ARK2N: variants seen among roughly 807,000 people sequenced by gnomAD.
ARK2N encodes arkadia (RNF111) N-terminal like PKA signaling regulator 2N, also known as protein ARK2N.
chr18:46,224,873 A>C, the ARK2N span, among the ~76,000 whole-genome samples: 9 of 152,342 alleles, frequency 5.9e-5, no homozygotes, highest in African/African-American at 2.2e-4. Flanking sequence ...TGTCTTAATA[A>C]AAATACAATT....
chr18:46,212,578 T>G, the ARK2N span, among the ~76,000 whole-genome samples: 1 of 152,224 alleles, frequency 6.6e-6, no homozygotes, highest in Non-Finnish European at 1.5e-5. Flanking sequence ...ACTTTTGTCC[T>G]GTTTGTGGTC....
chr18:46,220,833 A>G, the ARK2N span, among the ~76,000 whole-genome samples: 1 of 151,900 alleles, frequency 6.6e-6, no homozygotes, highest in Non-Finnish European at 1.5e-5. Context: ...ATACTGCCAT[A>G]CTGCTTTTAA....
At chr18:46,215,298 G>A in the ARK2N span, among the ~76,000 whole-genome samples, 1 of 152,136 alleles carries the variant, frequency 6.6e-6, no homozygotes, top group Non-Finnish European at 1.5e-5. Flanking sequence ...CAGCCTGGGT[G>A]GCAGAGTAAG....
At chr18:46,254,938 T>C in the ARK2N span, among the ~76,000 whole-genome samples, 1 of 147,988 alleles carries the variant, frequency 6.8e-6, no homozygotes, top group Non-Finnish European at 1.5e-5. Flanking sequence ...TTAGAACTTG[T>C]GTATTTTGTA....
the ARK2N span, among the ~76,000 whole-genome samples, chr18:46,244,601 A>ATTTTTTTTT: frequency 0.03 from 2,781 of 93,750 alleles, 247 homozygotes; most frequent in African/African-American, 0.045. Flanking sequence ...AAGAGTTTAG[A>ATTTTTTTTT]TTTTTTTTTT....
At chr18:46,203,352 A>T in the ARK2N span, among the ~76,000 whole-genome samples, 1 of 152,200 alleles carries the variant, frequency 6.6e-6, no homozygotes, top group African/African-American at 2.4e-5. Flanking sequence ...GATGAACCTG[A>T]GAGACATTGT....
At chr18:46,263,268 C>G in the ARK2N span, 4 of 686,162 alleles carry the variant, frequency 5.8e-6, no homozygotes, top group East Asian at 5.6e-5. Flanking sequence ...CCTCTTCCCC[C>G]CTTTTTTTAA....
At chr18:46,264,953 A>AC in the ARK2N span, 1 of 152,222 alleles carries the variant, frequency 6.6e-6, no homozygotes, top group Non-Finnish European at 1.5e-5. Flanking sequence ...AAGATCATGA[A>AC]CCTCCAGCTT....
the ARK2N span, chr18:46,232,188 C>T: frequency 6.6e-6 from 1 of 152,106 alleles, no homozygotes; most frequent in Admixed American, 6.6e-5. Context: ...ATATAGCTGA[C>T]TTTGCCTAAA....
chr18:46,224,234 A>G, the ARK2N span, among the ~76,000 whole-genome samples: 3 of 152,346 alleles, frequency 2.0e-5, no homozygotes, highest in African/African-American at 7.2e-5. Flanking sequence ...TGTGATTTGT[A>G]GTATATCCCA....
At chr18:46,248,106 A>G in the ARK2N span, among the ~76,000 whole-genome samples, 1 of 152,220 alleles carries the variant, frequency 6.6e-6, no homozygotes, top group East Asian at 1.9e-4. Flanking sequence ...TGAATGAGTA[A>G]CAGTCATGGA....
chr18:46,266,604 A>G, the ARK2N span: 1 of 152,662 alleles, frequency 6.6e-6, no homozygotes, highest in Non-Finnish European at 1.5e-5. Flanking sequence ...AAGAGTACAG[A>G]GGCCATTGAA....
chr18:46,221,688 G>GT, the ARK2N span, among the ~76,000 whole-genome samples: 1 of 152,022 alleles, frequency 6.6e-6, no homozygotes, highest in Non-Finnish European at 1.5e-5. Context: ...CTTCTGACGT[G>GT]TTTTTTCTTA....
the ARK2N span, among the ~76,000 whole-genome samples, chr18:46,180,721 T>C: frequency 6.7e-6 from 1 of 150,212 alleles, no homozygotes; most frequent in African/African-American, 2.4e-5. Context: ...AAAACAACAA[T>C]AAAAACAAAA....
the ARK2N span, among the ~76,000 whole-genome samples, chr18:46,204,086 T>C: frequency 6.6e-6 from 1 of 151,780 alleles, no homozygotes; most frequent in African/African-American, 2.4e-5. Flanking sequence ...ATGTGTCTTA[T>C]AGACTTATTT....
At chr18:46,252,712 T>C in the ARK2N span, among the ~76,000 whole-genome samples, 1 of 152,170 alleles carries the variant, frequency 6.6e-6, no homozygotes, top group African/African-American at 2.4e-5. Flanking sequence ...TCATTGCAAC[T>C]CTGTTTATTC....
the ARK2N span, chr18:46,231,695 C>G: frequency 1.3e-5 from 2 of 149,112 alleles, no homozygotes. Flanking sequence ...GCAAGAGTCT[C>G]TGGGTCTAGG....
chr18:46,208,464 C>CTTTTTTTTTTTTTTTTTTT, the ARK2N span, among the ~76,000 whole-genome samples: 1 of 68,364 alleles, frequency 1.5e-5, no homozygotes, highest in Non-Finnish European at 2.8e-5. Context: ...GTTCTTAAAT[C>CTTTTTTTTTTTTTTTTTTT]TTTTTTTTTT....
At chr18:46,265,942 A>G in the ARK2N span, 1 of 152,434 alleles carries the variant, frequency 6.6e-6, no homozygotes, top group African/African-American at 2.4e-5. Context: ...ACCCCCTCCA[A>G]TTTGTGAAAA....
Sources: allele counts gnomAD v4.1 joint callset (sites outside exome capture counted in the v4.1 genomes callset), GRCh38; gene constraint gnomAD v4.1.1; transcripts MANE v1.5; gene names NCBI Gene and HGNC (gene_info 2026-07-23, HGNC 2026-07-21).